Variants in MYO16 observed in about 807,000 individuals in gnomAD.
The protein encoded by MYO16 is unconventional myosin-XVI.
A neutral mutation model predicts 205.3 loss-of-function variants in MYO16; 94 were observed. The observed-to-expected ratio is 0.46, with a 90% CI of 0.39 to 0.54. The LOEUF (loss-of-function observed/expected upper bound fraction) is 0.54, where lower values mean the gene tolerates loss of function less well. Ranked by LOEUF, MYO16 falls within the 20% of genes least tolerant of loss-of-function variation. MYO16 has a pLI of 0.00. For missense variants in MYO16, 2,315 were observed against 2,387.5 expected (o/e 0.97, Z 0.63); for synonymous variants, 988 against 954.0 (o/e 1.04, Z -0.66).
chr13:109,142,131 C>T (rs79127115), intron 32 of MYO16, among the ~76,000 whole-genome samples: 267 of 152,240 alleles, frequency 1.8e-3, no homozygotes, highest in African/African-American at 6.0e-3. Flanking sequence ...ACGTTTTTTG[C>T]CAGTCTTTTG....
chr13:108,977,323 A>G (rs533142739), intron 20 of MYO16, among the ~76,000 whole-genome samples: 12 of 152,326 alleles, frequency 7.9e-5, no homozygotes, highest in Admixed American at 5.2e-4. Flanking sequence ...AGTTACAAAC[A>G]GCGCTGTATC....
At chr13:109,040,704 A>G (rs1408276458) in intron 23 of MYO16, among the ~76,000 whole-genome samples, 2 of 152,174 alleles carry the variant, frequency 1.3e-5, no homozygotes, top group Admixed American at 1.3e-4. Context: ...ATAGGAATGG[A>G]AAAGATAACC....
intron 12 of MYO16, 94 bp downstream of exon 12, chr13:108,866,336 C>A: frequency 1.4e-6 from 1 of 730,404 alleles, no homozygotes; most frequent in Non-Finnish European, 2.1e-6. Context: ...AACAGGCAAA[C>A]TTCTAAAAAA....
At position 109,125,795 on chromosome 13, in the gene MYO16, A is replaced by G. The variant is rs1033528263; in HGVS notation, c.3782+437A>G. Among the ~76,000 whole-genome samples the G allele has an allele frequency of 6.6e-6, 1 of 152,218 alleles. No individual in the cohort carries two copies. Among genetic ancestry groups the G allele is most frequent in the Admixed American group, 6.5e-5 (1 of 15,278 alleles). ...CACTCTGAAAACATGGAAGAAGTGAACTCAATAGATAGATTGTAAGTGTAT... is the reference window on the plus strand; with the variant it reads ...CACTCTGAAAACATGGAAGAAGTGAGCTCAATAGATAGATTGTAAGTGTAT... On this transcript the variant is annotated intron_variant, in intron 30 of 34. Coordinates refer to ENST00000457511, the MANE Select transcript of MYO16 (RefSeq NM_001198950.3). This position sits in a 1 kb window ranked among gnomAD's most constrained non-coding sequence, Gnocchi z 4.0.
At position 108,779,725 on chromosome 13, in the gene MYO16, C is replaced by T. The variant is rs1040380965; in HGVS notation, c.508-5910C>T. 2.2e-4 allele frequency: 33 copies of T among 152,274 alleles called. 2 individuals are homozygous for T. Among genetic ancestry groups the T allele is most frequent in the East Asian group, 1.4e-3 (7 of 5,148 alleles). The allele number at this position is 152,274 out of a possible 1,614,324, so 9.4% of individuals were successfully genotyped here. On this transcript the variant is annotated intron_variant, in intron 4 of 34. Coordinates refer to ENST00000457511, the MANE Select transcript of MYO16 (RefSeq NM_001198950.3). Reference sequence around the variant, plus strand: ...CCAGGGACGTGCGCCCCTGGGTCTCCCACACGCCAGTGACAAGGAGACCTG... The same window carrying T: ...CCAGGGACGTGCGCCCCTGGGTCTCTCACACGCCAGTGACAAGGAGACCTG...
intron 1 of MYO16, among the ~76,000 whole-genome samples, chr13:108,636,369 T>TTGTGTGTGTGTG (rs71125327): frequency 5.6e-4 from 29 of 51,328 alleles, no homozygotes; most frequent in Non-Finnish European, 7.2e-4. Context: ...TTTTTTTTTT[T>TTGTGTGTGTGTG]TGTGTGTGTG....
At chr13:108,565,598 C>A in the MYO16 span, among the ~76,000 whole-genome samples, 1 of 152,156 alleles carries the variant, frequency 6.6e-6, no homozygotes, top group African/African-American at 2.4e-5. Flanking sequence ...TAGGTGTTTT[C>A]AAATGTCAGA....
intron 6 of MYO16, among the ~76,000 whole-genome samples, chr13:108,798,172 G>T (rs1236560613): frequency 1.3e-5 from 2 of 152,138 alleles, no homozygotes; most frequent in Non-Finnish European, 2.9e-5. Flanking sequence ...TCATTTCCTT[G>T]TGTTTTCTGT....
chr13:108,577,159 A>C, the MYO16 span, among the ~76,000 whole-genome samples: 1 of 152,176 alleles, frequency 6.6e-6, no homozygotes, highest in South Asian at 2.1e-4. Flanking sequence ...TTTTTTGTTT[A>C]ATGCAATATG....
intron 32 of MYO16, among the ~76,000 whole-genome samples, chr13:109,153,718 C>T (rs911533322): frequency 1.3e-5 from 2 of 152,136 alleles, no homozygotes; most frequent in African/African-American, 2.4e-5. Context: ...GAGACTGCAG[C>T]ACTGCACTCC....
chr13:108,585,338 T>C, the MYO16 span, among the ~76,000 whole-genome samples: 1 of 152,264 alleles, frequency 6.6e-6, no homozygotes, highest in Non-Finnish European at 1.5e-5. Flanking sequence ...TTCTAGGCTA[T>C]AGGTAAATTT....
At chr13:108,632,331 C>T (rs1163379603) in intron 1 of MYO16, among the ~76,000 whole-genome samples, 1 of 152,104 alleles carries the variant, frequency 6.6e-6, no homozygotes, top group Non-Finnish European at 1.5e-5. Context: ...ATAGCACGTT[C>T]ACTTTCAAGC....
intron 5 of MYO16, among the ~76,000 whole-genome samples, chr13:108,790,487 G>T (rs1219017660): frequency 1.3e-5 from 2 of 151,936 alleles, no homozygotes; most frequent in African/African-American, 4.8e-5. Flanking sequence ...CCATTAATTT[G>T]TTTTCAAAAA....
intron 6 of MYO16, among the ~76,000 whole-genome samples, chr13:108,801,963 T>C (rs1886980784): frequency 6.6e-6 from 1 of 152,206 alleles, no homozygotes; most frequent in Non-Finnish European, 1.5e-5. Flanking sequence ...TTAATATTAT[T>C]TTAAATTGAC....
intron 22 of MYO16, among the ~76,000 whole-genome samples, chr13:109,010,859 T>C (rs1885567081): frequency 6.6e-6 from 1 of 151,360 alleles, no homozygotes; most frequent in South Asian, 2.1e-4. Context: ...AATTGTTTGA[T>C]TTTGAAAACA....
intron 16 of MYO16, among the ~76,000 whole-genome samples, chr13:108,945,475 A>C (rs1225133991): frequency 6.6e-6 from 1 of 152,190 alleles, no homozygotes; most frequent in Non-Finnish European, 1.5e-5. Flanking sequence ...CACATCCTTG[A>C]CTAGAAATTA....
chr13:108,931,276 C>A (rs775078543), intron 16 of MYO16, among the ~76,000 whole-genome samples: 14 of 152,196 alleles, frequency 9.2e-5, no homozygotes, highest in Admixed American at 5.2e-4. Flanking sequence ...TCAAGTTAAT[C>A]CCCTACCAGT....
At chr13:108,783,415 G>C (rs77464268) in intron 4 of MYO16, among the ~76,000 whole-genome samples, 1 of 152,172 alleles carries the variant, frequency 6.6e-6, no homozygotes, top group Non-Finnish European at 1.5e-5. Context: ...TAAGTAGCTT[G>C]CTTTTGATTT....
chr13:108,509,180 A>T, the MYO16 span, among the ~76,000 whole-genome samples: 1 of 152,238 alleles, frequency 6.6e-6, no homozygotes, highest in Non-Finnish European at 1.5e-5. Context: ...ATATAAGTAG[A>T]GGACTGATCA....
Sources: allele counts gnomAD v4.1 joint callset (sites outside exome capture counted in the v4.1 genomes callset), GRCh38; gene constraint gnomAD v4.1.1; non-coding constraint Gnocchi (gnomAD v3.1); transcripts MANE v1.5; gene names NCBI Gene and HGNC (gene_info 2026-07-23, HGNC 2026-07-21).